Variants in LIMCH1 observed in about 807,000 individuals in gnomAD.
The protein encoded by LIMCH1 is LIM and calponin homology domains 1.
In LIMCH1, 113 loss-of-function variants were observed where a neutral mutation model predicts 176.5. That is an observed-to-expected ratio of 0.64 (90% confidence interval 0.55 to 0.75). The LOEUF (loss-of-function observed/expected upper bound fraction) is 0.75, where lower values mean the gene tolerates loss of function less well. LIMCH1 is among the 30% of genes least tolerant of loss of function. LIMCH1 has a pLI of 0.00. For synonymous variants in LIMCH1, 619 were observed against 645.9 expected (o/e 0.96, Z 0.63); for missense variants, 1,674 against 1,814.9 (o/e 0.92, Z 1.41).
At chr4:41,615,690 T>C (rs1400096233) in intron 5 of LIMCH1, among the ~76,000 whole-genome samples, 1 of 152,178 alleles carries the variant, frequency 6.6e-6, no homozygotes, top group Non-Finnish European at 1.5e-5. Context: ...ATGGTGCTGA[T>C]TAGGAAGATT....
chr4:41,527,403 T>C (rs1482189093), intron 3 of LIMCH1, among the ~76,000 whole-genome samples: 6 of 152,210 alleles, frequency 3.9e-5, no homozygotes, highest in African/African-American at 1.4e-4. Context: ...TGGGTCCAAA[T>C]GATGTTAGAT....
At chr4:41,481,017 T>C (rs895630434) in intron 1 of LIMCH1, among the ~76,000 whole-genome samples, 3 of 151,300 alleles carry the variant, frequency 2.0e-5, no homozygotes, top group African/African-American at 7.3e-5. Flanking sequence ...GTATTCTTAA[T>C]TAGATTTTTT....
intron 1 of LIMCH1, among the ~76,000 whole-genome samples, chr4:41,471,363 G>A (rs140075047): frequency 2.3e-3 from 355 of 152,308 alleles, no homozygotes; most frequent in South Asian, 7.2e-3. Context: ...CTTGAGGATG[G>A]TGGAAAGAGC....
chr4:41,666,074 G>A (rs192399234), intron 20 of LIMCH1, among the ~76,000 whole-genome samples: 4 of 152,250 alleles, frequency 2.6e-5, no homozygotes, highest in African/African-American at 9.6e-5. Context: ...AATGTGCTTT[G>A]CATAAATTTG....
At chr4:41,477,752 T>C (rs2067968484) in intron 1 of LIMCH1, among the ~76,000 whole-genome samples, 1 of 152,200 alleles carries the variant, frequency 6.6e-6, no homozygotes, top group Non-Finnish European at 1.5e-5. Flanking sequence ...TGAGGGGCAC[T>C]GCGGTCAGTC....
intron 31 of LIMCH1, among the ~76,000 whole-genome samples, chr4:41,696,898 C>T (rs1400614133): frequency 1.3e-5 from 2 of 152,156 alleles, no homozygotes; most frequent in Admixed American, 6.5e-5. Context: ...GATCAAACTT[C>T]ACAGTGCATG....
At chr4:41,581,153 T>TCTATC (rs1561819271) in intron 1 of LIMCH1, among the ~76,000 whole-genome samples, 22 of 151,844 alleles carry the variant, frequency 1.4e-4, no homozygotes, top group Admixed American at 8.5e-4. Context: ...TATCATCTAA[T>TCTATC]CAATCATCTG....
At chr4:41,384,533 A>G (rs903120971) in intron 1 of LIMCH1, among the ~76,000 whole-genome samples, 7 of 152,162 alleles carry the variant, frequency 4.6e-5, no homozygotes, top group Non-Finnish European at 1.0e-4. Context: ...TGGTCATCAC[A>G]GAATCCTCAG....
intron 1 of LIMCH1, chr4:41,385,996 G>C (rs904163309): frequency 6.6e-6 from 1 of 152,222 alleles, no homozygotes; most frequent in Non-Finnish European, 1.5e-5. Flanking sequence ...CACTGAAGGA[G>C]TGCTACTAGG....
chr4:41,686,983 T>C (rs1176224298), intron 28 of LIMCH1, among the ~76,000 whole-genome samples: 2 of 152,158 alleles, frequency 1.3e-5, no homozygotes, highest in African/African-American at 4.8e-5. Context: ...ACTTATACTT[T>C]AGGGTGTTAC....
rs780833086 is a variant in LIMCH1 at position 41,646,911 on chromosome 4, A to G, written c.2820+18A>G. 3.1e-6 allele frequency: 5 copies of G among 1,595,402 alleles called. No homozygotes were observed. In the South Asian group the frequency reaches 4.4e-5, roughly 14 times the overall value. On this transcript the variant is annotated intron_variant, in intron 17 of 31. Coordinates refer to ENST00000503057, the MANE Select transcript of LIMCH1 (RefSeq NM_001330672.2). ...CCTTTAAGGTAGGACAAGTTCCTTA[A>G]GAGTAGAACCAAAGCTGAACTCCAG...
intron 1 of LIMCH1, among the ~76,000 whole-genome samples, chr4:41,382,053 G>A (rs1486504798): frequency 6.6e-6 from 1 of 152,248 alleles, no homozygotes; most frequent in African/African-American, 2.4e-5. Context: ...ACTTATGAGT[G>A]CGTCCAGCTA....
chr4:41,489,905 C>G (rs2070434425), intron 1 of LIMCH1, among the ~76,000 whole-genome samples: 1 of 152,002 alleles, frequency 6.6e-6, no homozygotes, highest in Non-Finnish European at 1.5e-5. Flanking sequence ...AGTCAATTAA[C>G]AAATATTGTA....
At chr4:41,424,307 G>A (rs1220899063) in intron 1 of LIMCH1, among the ~76,000 whole-genome samples, 2 of 152,052 alleles carry the variant, frequency 1.3e-5, no homozygotes, top group Non-Finnish European at 2.9e-5. Flanking sequence ...AAACACATTA[G>A]TACATAGCCC....
intron 23 of LIMCH1, among the ~76,000 whole-genome samples, chr4:41,677,890 G>T (rs2153035796): frequency 6.6e-6 from 1 of 152,162 alleles, no homozygotes; most frequent in Non-Finnish European, 1.5e-5. Context: ...CATTAATTTT[G>T]ATGACTTTCT....
At chr4:41,612,560 T>C (rs1386637616) in intron 4 of LIMCH1, 6 of 702,504 alleles carry the variant, frequency 8.5e-6, no homozygotes, top group African/African-American at 1.7e-5. Flanking sequence ...TTGTAATTAA[T>C]GCTAAGACAC....
intron 1 of LIMCH1, among the ~76,000 whole-genome samples, chr4:41,395,324 C>T (rs1424219338): frequency 6.6e-6 from 1 of 151,336 alleles, no homozygotes; most frequent in Non-Finnish European, 1.5e-5. Flanking sequence ...CCTCCACCTC[C>T]CGGGTTCAAG....
intron 1 of LIMCH1, among the ~76,000 whole-genome samples, chr4:41,588,402 G>A (rs903727697): frequency 2.6e-5 from 4 of 152,022 alleles, no homozygotes; most frequent in African/African-American, 9.7e-5. Context: ...GGAAGAGGGG[G>A]CTGACCAAGG....
At chr4:41,412,635 C>T (rs1260082758) in intron 1 of LIMCH1, among the ~76,000 whole-genome samples, 1 of 152,118 alleles carries the variant, frequency 6.6e-6, no homozygotes, top group Non-Finnish European at 1.5e-5. Context: ...GCATTATATT[C>T]TAATACCATC....
Sources: gnomAD v4.1 joint callset for allele counts (sites outside exome capture counted in the v4.1 genomes callset) on GRCh38, gnomAD v4.1.1 for gene constraint, MANE v1.5 for transcripts, NCBI Gene and HGNC (gene_info 2026-07-23, HGNC 2026-07-21) for gene names.